Variants in EFCAB7 observed in about 807,000 individuals in gnomAD.
EFCAB7 encodes the protein EF-hand calcium binding domain 7.
In EFCAB7, 66 loss-of-function variants were observed where a neutral mutation model predicts 77.1. That is an observed-to-expected ratio of 0.86 (90% CI 0.70 to 1.05). EFCAB7 has a LOEUF of 1.05. Among genes scored for constraint, EFCAB7 ranks in the 50% least tolerant of loss-of-function variants. The pLI is 0.00. For synonymous variants in EFCAB7, 225 were observed against 243.3 expected, an observed-to-expected ratio of 0.92 and a Z score of 0.70; for missense variants, 638 against 730.5, an observed-to-expected ratio of 0.87 and a Z score of 1.46.
At chr1:63,565,096 C>G (rs1025457873) in intron 11 of EFCAB7, among the ~76,000 whole-genome samples, 2 of 152,172 alleles carry the variant, frequency 1.3e-5, no homozygotes, top group African/African-American at 2.4e-5. Flanking sequence ...CCTGTAATCC[C>G]AGCACTTTGG....
chr1:63,525,126 G>A (rs1646563151), intron 1 of EFCAB7, among the ~76,000 whole-genome samples: 1 of 152,062 alleles, frequency 6.6e-6, no homozygotes, highest in African/African-American at 2.4e-5. Flanking sequence ...TACGTGTCAA[G>A]CAATATTGTA....
chr1:63,583,459 T>TTTGATCTGGCAAA, the EFCAB7 span, among the ~76,000 whole-genome samples: 4 of 152,130 alleles, frequency 2.6e-5, no homozygotes, highest in African/African-American at 9.7e-5. Flanking sequence ...GACCACCTTT[T>TTTGATCTGGCAAA]ACAGTTTTTT....
chr1:63,572,704 T>G (rs1195008428), downstream of EFCAB7: 6 of 957,246 alleles, frequency 6.3e-6, no homozygotes. Flanking sequence ...TTGTGTGGTG[T>G]TCTTATTTAG....
At chr1:63,584,702 C>T in the EFCAB7 span, among the ~76,000 whole-genome samples, 1 of 152,212 alleles carries the variant, frequency 6.6e-6, no homozygotes, top group African/African-American at 2.4e-5. Flanking sequence ...TTATGATGAT[C>T]CACTTTCACT....
In EFCAB7 at chr1:63,533,516, G is replaced by A. The variant is rs61738366; in HGVS notation, c.549G>A (p.Glu183=). 5.8e-5 allele frequency: 93 copies of A among 1,612,832 alleles called. No homozygotes were observed. In the African/African-American group the frequency reaches 1.1e-3, roughly 19 times the overall value. Reference sequence around the variant, plus strand: ...TCAAGACTACACTAGAAAAACTAGAGGTTGACAGTAAATTGATGCGTCACC... The same window carrying A: ...TCAAGACTACACTAGAAAAACTAGAAGTTGACAGTAAATTGATGCGTCACC... ...QCLKTTLEKL[E]VDSKLMRHQF... Residue 183 remains glutamate (E), a synonymous_variant, in exon 5 of 14, where the codon GAG becomes GAA. Coordinates refer to ENST00000371088, the MANE Select transcript of EFCAB7 (RefSeq NM_032437.4).
chr1:63,581,803 T>C, the EFCAB7 span, among the ~76,000 whole-genome samples: 1 of 152,204 alleles, frequency 6.6e-6, no homozygotes, highest in African/African-American at 2.4e-5. Flanking sequence ...ATGCATAAAA[T>C]ATATGTAGAT....
intron 2 of EFCAB7, among the ~76,000 whole-genome samples, chr1:63,530,862 A>T (rs1296427231): frequency 6.6e-6 from 1 of 152,156 alleles, no homozygotes; most frequent in East Asian, 1.9e-4. Flanking sequence ...TTTCATTAAG[A>T]TATTTGTTTT....
intron 6 of EFCAB7, 54 bp from the exon 7 acceptor site, chr1:63,545,862 A>G: frequency 6.8e-7 from 1 of 1,468,516 alleles, no homozygotes; most frequent in Non-Finnish European, 9.5e-7. Context: ...ATTACTATGC[A>G]TACTGGAAAC....
At chr1:63,545,769 CTACCTCCTAACTATGT>C in intron 6 of EFCAB7, 131 bp from the exon 7 acceptor site, 1 of 712,054 alleles carries the variant, frequency 1.4e-6, no homozygotes, top group South Asian at 1.8e-5. Context: ...TGTCTGTTTT[CTACCTCCTAACTATGT>C]TGCACATTCC....
At chr1:63,579,124 GTA>G in the EFCAB7 span, among the ~76,000 whole-genome samples, 4 of 151,958 alleles carry the variant, frequency 2.6e-5, no homozygotes, top group African/African-American at 9.7e-5. Flanking sequence ...TGTAACACAT[GTA>G]TAGATTCATA....
At chr1:63,580,431 G>A in the EFCAB7 span, among the ~76,000 whole-genome samples, 5 of 152,072 alleles carry the variant, frequency 3.3e-5, no homozygotes, top group Middle Eastern at 6.8e-3. Flanking sequence ...TCCATTGATC[G>A]ATGTGTCTTT....
intron 11 of EFCAB7, among the ~76,000 whole-genome samples, chr1:63,565,694 T>TA (rs35972089): frequency 0.61 from 91,952 of 151,904 alleles, 29,552 homozygotes; most frequent in African/African-American, 0.82. Context: ...AAAATTCCAT[T>TA]AAAAATGGGC....
In EFCAB7 at chr1:63,534,124, A is replaced by G. The variant is rs1570388072; in HGVS notation, c.712A>G (p.Thr238Ala). 7 of 1,613,470 alleles carry G rather than the reference A, an allele frequency of 4.3e-6. No individual in the cohort carries two copies. The highest frequency in any genetic ancestry group is 5.9e-6 in the Non-Finnish European group (7 of 1,179,558). ...CACCAGGAGTTCTTTACTGTCAGCA[A>G]CCAGGAAGTTCAAAACATCTGTTTC... The part of the protein sequence containing the change: ...GDTRSSLLSA[T>A]RKFKTSVSFT... The change falls in exon 6 of 14, where the codon ACC becomes GCC. Residue 238 changes from threonine (T) to alanine (A), a missense_variant. Thr to Ala is a moderately conservative substitution (Grantham distance 58). Transcript: ENST00000371088.
intron 4 of EFCAB7, 94 bp downstream of exon 4, chr1:63,532,850 G>C: frequency 1.1e-6 from 1 of 937,218 alleles, no homozygotes; most frequent in East Asian, 2.5e-5. Context: ...TGACATTACA[G>C]TGTACATGCA....
At chr1:63,567,466 A>G (rs1425376133) in intron 11 of EFCAB7, among the ~76,000 whole-genome samples, 1 of 152,094 alleles carries the variant, frequency 6.6e-6, no homozygotes, top group African/African-American at 2.4e-5. Flanking sequence ...AAAAAAAAAA[A>G]TTATTTCAAA....
chr1:63,583,938 CAA>C, the EFCAB7 span, among the ~76,000 whole-genome samples: 2,555 of 82,628 alleles, frequency 0.031, 48 homozygotes, highest in African/African-American at 0.11. Context: ...TGGATATGGC[CAA>C]AAAAAAAAAA....
At chr1:63,532,113 T>A in intron 3 of EFCAB7, 82 bp downstream of exon 3, 1 of 971,438 alleles carries the variant, frequency 1.0e-6, no homozygotes, top group Non-Finnish European at 1.6e-6. Context: ...AAGTCCACAT[T>A]AAAAATAAGT....
intron 1 of EFCAB7, 142 bp from the exon 2 acceptor site, chr1:63,525,430 T>A (rs1646571642): frequency 1.7e-6 from 1 of 581,936 alleles, no homozygotes; most frequent in East Asian, 3.4e-5. Context: ...AAACTTTTAA[T>A]ATCTTGATCT....
At chr1:63,579,708 C>T in the EFCAB7 span, among the ~76,000 whole-genome samples, 1 of 152,074 alleles carries the variant, frequency 6.6e-6, no homozygotes, top group African/African-American at 2.4e-5. Context: ...TATCAGTACT[C>T]GGTATTGTCT....
Sources: allele counts gnomAD v4.1 joint callset (sites outside exome capture counted in the v4.1 genomes callset), GRCh38; gene constraint gnomAD v4.1.1; transcripts MANE v1.5; gene names NCBI Gene and HGNC (gene_info 2026-07-23, HGNC 2026-07-21).